The following POLN variants were observed in gnomAD, a reference collection of about 807,000 sequenced individuals.
The protein encoded by POLN is DNA polymerase N.
A neutral mutation model predicts 113.5 loss-of-function variants in POLN; 108 were observed. The ratio of observed to expected loss-of-function variants is 0.95; its 90% CI spans 0.81 to 1.12. The LOEUF (loss-of-function observed/expected upper bound fraction) is 1.12. Among genes scored for constraint, POLN ranks in the 50% most tolerant of loss-of-function variants. The pLI is 0.00. For synonymous variants in POLN, 386 were observed against 391.5 expected (o/e 0.99, Z 0.17); for missense variants, 1,097 against 1,077.1 (o/e 1.02, Z -0.26).
chr4:2,169,168 C>T (rs553295806), intron 13 of POLN, among the ~76,000 whole-genome samples: 3 of 152,252 alleles, frequency 2.0e-5, no homozygotes, highest in African/African-American at 7.2e-5. Flanking sequence ...GAGGAGGTGC[C>T]GGGCCAGGAA....
At position 2,208,015 on chromosome 4, in the gene POLN, T is replaced by G. The variant is rs747058815; in HGVS notation, c.686A>C (p.Asp229Ala). ...GTCAGCTCCTAGCTGGGTGGAACCA[T>G]CAGTATACATCACAGTTATCACCAG... ...AALVITVMYT[D>A]GSTQLGADQT... The change falls in exon 5 of 26, where the codon GAT becomes GCT. Residue 229 changes from aspartate to alanine, a missense_variant. Coordinates refer to ENST00000511885, the MANE Select transcript of POLN (RefSeq NM_181808.4). 1.5e-5 allele frequency: 24 copies of G among 1,612,516 alleles called. No homozygotes were observed. Among genetic ancestry groups the G allele is most frequent in the Middle Eastern group, 1.7e-4 (1 of 6,052 alleles).
At chr4:2,129,583 T>A (rs982029859) in intron 17 of POLN, among the ~76,000 whole-genome samples, 1 of 152,112 alleles carries the variant, frequency 6.6e-6, no homozygotes, top group Admixed American at 6.5e-5. Flanking sequence ...AGAGACAGGG[T>A]CTCACTATGT....
intron 3 of POLN, chr4:2,227,577 T>C (rs1338202083): frequency 6.6e-6 from 1 of 152,226 alleles, no homozygotes; most frequent in Non-Finnish European, 1.5e-5. Context: ...AGTAGTATCA[T>C]ATCTTTTTCT....
chr4:2,240,869 G>T, intron 2 of POLN: 1 of 1,611,488 alleles, frequency 6.2e-7, no homozygotes, highest in Non-Finnish European at 8.5e-7. Context: ...ACCAGTCAAA[G>T]TCTTCTCCAT....
chr4:2,170,011 G>A (rs955699191), intron 13 of POLN, among the ~76,000 whole-genome samples: 4 of 152,210 alleles, frequency 2.6e-5, no homozygotes, highest in African/African-American at 9.7e-5. Context: ...ACGTGGTGCT[G>A]GAGAGGGAAT....
intron 7 of POLN, among the ~76,000 whole-genome samples, chr4:2,182,310 G>C (rs911327655): frequency 6.6e-6 from 1 of 152,168 alleles, no homozygotes; most frequent in African/African-American, 2.4e-5. Context: ...TCTTAAGTTA[G>C]GGTGAGCCCT....
At chr4:2,220,038 C>T (rs1441176154) in intron 3 of POLN, among the ~76,000 whole-genome samples, 1 of 152,126 alleles carries the variant, frequency 6.6e-6, no homozygotes, top group Non-Finnish European at 1.5e-5. Flanking sequence ...TCCTGCAGTT[C>T]CTTTGGAGTA....
chr4:2,241,513 T>G lies in POLN; in HGVS notation c.-13+7A>C. 1.0e-6 allele frequency: 1 copy of G among 985,632 alleles called. No individual in the cohort carries two copies. Among genetic ancestry groups the G allele is most frequent in the Non-Finnish European group, 1.2e-6 (1 of 830,100 alleles). The allele number at this position is 985,632 out of a possible 1,614,324, so 61.1% of individuals were successfully genotyped here. ...GCACATCTTCTGAAGATCAACTAAA[T>G]ATTTACCTCAACGTCTCGCCGGGCA... On this transcript the variant is annotated splice_region_variant and intron_variant, in intron 2 of 25. Transcript: ENST00000511885.
intron 8 of POLN, among the ~76,000 whole-genome samples, chr4:2,179,049 C>G (rs1452435382): frequency 6.6e-6 from 1 of 152,164 alleles, no homozygotes; most frequent in Non-Finnish European, 1.5e-5. Context: ...GCAGGTGACA[C>G]TGACATCAGA....
rs1283295927 is a variant in POLN at position 2,129,330 on chromosome 4, T to C, written c.1790-74A>G. 5.6e-6 allele frequency: 5 copies of C among 899,428 alleles called. 1 individual carries two copies. Among genetic ancestry groups the C allele is most frequent in the Non-Finnish European group, 9.1e-6 (5 of 548,198 alleles). 55.7% of individuals were successfully genotyped at this position (899,428 alleles called of 1,614,324 possible). On this transcript the variant is annotated intron_variant, in intron 17 of 25. Transcript: ENST00000511885. ...GCATAGCTATTCCTCAATACAATAT[T>C]ATTTGAATATTATTCTGAAGTCCAG...
chr4:2,128,702 A>G (rs1379120949), intron 18 of POLN, among the ~76,000 whole-genome samples: 1 of 152,182 alleles, frequency 6.6e-6, no homozygotes. Context: ...GGATTTAGAT[A>G]CGGTGATGTG....
chr4:2,161,537 C>A (rs1162299604), intron 13 of POLN, among the ~76,000 whole-genome samples: 2 of 152,308 alleles, frequency 1.3e-5, no homozygotes, highest in African/African-American at 2.4e-5. Context: ...ACCCGCCATG[C>A]CTTAGCCTCC....
chr4:2,157,965 G>A, intron 14 of POLN, 54 bp from the exon 15 acceptor site: 1 of 1,424,758 alleles, frequency 7.0e-7, no homozygotes, highest in Non-Finnish European at 9.8e-7. Context: ...GTCTTTTTTT[G>A]TGGGGGGAAG....
At chr4:2,131,613 C>G (rs1187250756) in intron 16 of POLN, among the ~76,000 whole-genome samples, 1 of 152,172 alleles carries the variant, frequency 6.6e-6, no homozygotes, top group Non-Finnish European at 1.5e-5. Flanking sequence ...ACAACATACG[C>G]TAATGGTAGA....
chr4:2,185,602 C>T (rs1733251380), intron 7 of POLN, among the ~76,000 whole-genome samples: 1 of 152,050 alleles, frequency 6.6e-6, no homozygotes, highest in African/African-American at 2.4e-5. Flanking sequence ...AAAAATTAGC[C>T]AGGCATGGTG....
At chr4:2,233,434 T>A (rs1161022428) in intron 2 of POLN, among the ~76,000 whole-genome samples, 1 of 136,592 alleles carries the variant, frequency 7.3e-6, no homozygotes, top group Admixed American at 7.0e-5. Context: ...GATTCTTGGA[T>A]GCATTTTTTT....
chr4:2,073,844 T>C (rs968338696), intron 24 of POLN, among the ~76,000 whole-genome samples: 1 of 152,208 alleles, frequency 6.6e-6, no homozygotes, highest in East Asian at 1.9e-4. Context: ...TGGTGTGTCC[T>C]GAGCAGGGCC....
intron 14 of POLN, 46 bp from the exon 15 acceptor site, chr4:2,157,957 C>T (rs780348067): frequency 2.7e-6 from 4 of 1,494,710 alleles, no homozygotes; most frequent in Non-Finnish European, 3.7e-6. Context: ...AGTCTTAAGT[C>T]TTTTTTTGTG....
At chr4:2,202,049 A>G (rs1733728931) in intron 5 of POLN, among the ~76,000 whole-genome samples, 1 of 152,208 alleles carries the variant, frequency 6.6e-6, no homozygotes, top group South Asian at 2.1e-4. Flanking sequence ...CAAATCCTGG[A>G]AACACATCAA....
Sources: gnomAD v4.1 joint callset for allele counts (sites outside exome capture counted in the v4.1 genomes callset) on GRCh38, gnomAD v4.1.1 for gene constraint, MANE v1.5 for transcripts, NCBI Gene and HGNC (gene_info 2026-07-23, HGNC 2026-07-21) for gene names.